Variants in GALNTL6 observed in about 807,000 individuals in gnomAD.
GALNTL6 encodes the protein polypeptide N-acetylgalactosaminyltransferase-like 6.
In GALNTL6, 46 loss-of-function variants were observed where a neutral mutation model predicts 73.7. That is an observed-to-expected ratio of 0.62 (90% confidence interval 0.49 to 0.80). The LOEUF is 0.80. GALNTL6 is among the 30% of genes least tolerant of loss of function. The probability of loss-of-function intolerance (pLI) is 0.00; values close to 1 mark genes in which losing one functional copy is unlikely to be tolerated. For missense variants in GALNTL6, 604 were observed against 755.0 expected (o/e 0.80, Z 2.34); for synonymous variants, 259 against 263.7 (o/e 0.98, Z 0.17).
chr4:171,864,239 T>G (rs2110883850), intron 2 of GALNTL6, among the ~76,000 whole-genome samples: 1 of 152,320 alleles, frequency 6.6e-6, no homozygotes, highest in Non-Finnish European at 1.5e-5. Flanking sequence ...CTTCTATGTT[T>G]ATAACACAGA....
chr4:172,042,786 A>C (rs1001088413), intron 2 of GALNTL6, among the ~76,000 whole-genome samples: 2 of 137,704 alleles, frequency 1.5e-5, no homozygotes, highest in Non-Finnish European at 3.0e-5. Context: ...TGTCACTCAG[A>C]CTTCTGCTCA....
At chr4:172,029,523 G>C (rs1456560786) in intron 2 of GALNTL6, among the ~76,000 whole-genome samples, 1 of 152,006 alleles carries the variant, frequency 6.6e-6, no homozygotes, top group Non-Finnish European at 1.5e-5. Flanking sequence ...AATCACTCCA[G>C]ATAGTGTGTG....
intron 5 of GALNTL6, among the ~76,000 whole-genome samples, chr4:172,726,327 A>C (rs1735803393): frequency 6.6e-6 from 1 of 152,200 alleles, no homozygotes; most frequent in South Asian, 2.1e-4. Context: ...CCGACCCCCG[A>C]GTAGGAGGCA....
Position 172,686,604 on chromosome 4 carries a change from G to GA in GALNTL6, c.554-122752dup, listed in dbSNP as rs1385605003. Among the ~76,000 whole-genome samples, 19 of 152,236 alleles carry GA rather than the reference G, an allele frequency of 1.2e-4. No homozygotes were observed. The East Asian group carries it at 3.5e-3, about 28-fold the overall frequency. On this transcript the variant is annotated intron_variant, in intron 5 of 12. Coordinates refer to ENST00000506823, the MANE Select transcript of GALNTL6 (RefSeq NM_001034845.3). ...GAGAAAACTAGAGGAAAACACTATA[G>GA]AAAAAGAAAGTTTATTTTATTTTTA... is the stretch of plus-strand genomic sequence containing the variant.
intron 5 of GALNTL6, among the ~76,000 whole-genome samples, chr4:172,782,895 G>A (rs575681163): frequency 6.6e-6 from 1 of 152,150 alleles, no homozygotes; most frequent in East Asian, 1.9e-4. Flanking sequence ...ACAGTGATGA[G>A]GCACAGTGAC....
At chr4:172,970,617 C>T (rs917517403) in intron 10 of GALNTL6, among the ~76,000 whole-genome samples, 3 of 152,182 alleles carry the variant, frequency 2.0e-5, no homozygotes, top group African/African-American at 4.8e-5. Context: ...TTCCCTTGTT[C>T]CCTGAAAATT....
rs752897907 is a variant in GALNTL6, at chr4:173,040,064, T to C, written c.1770T>C (p.Thr590=). 60 of 1,613,182 alleles carry C rather than the reference T, an allele frequency of 3.7e-5. 2 individuals are homozygous for C. The South Asian group carries it at 6.2e-4, about 17-fold the overall frequency. ...QQWIFEHINM[T]VLEKFNHHAN... is the part of the protein sequence containing the mutation. Reference sequence around the variant, plus strand: ...GGATTTTTGAACACATTAATATGACTGTTTTAGAAAAATTTAACCACCATG... The same window carrying C: ...GGATTTTTGAACACATTAATATGACCGTTTTAGAAAAATTTAACCACCATG... Residue 590 remains threonine, a synonymous_variant, in exon 13 of 13, where the codon ACT becomes ACC. Transcript: ENST00000506823.
At chr4:172,623,181 C>T (rs577806743) in intron 5 of GALNTL6, among the ~76,000 whole-genome samples, 1 of 152,138 alleles carries the variant, frequency 6.6e-6, no homozygotes, top group East Asian at 1.9e-4. Flanking sequence ...AACTAAGTAA[C>T]AATGCAAGCA....
At chr4:172,898,887 A>G (rs967729635) in intron 8 of GALNTL6, among the ~76,000 whole-genome samples, 1 of 152,174 alleles carries the variant, frequency 6.6e-6, no homozygotes, top group African/African-American at 2.4e-5. Context: ...GTTAAACATC[A>G]ACCCCTGACC....
chr4:172,399,049 ATATG>A (rs1205236883), intron 5 of GALNTL6, among the ~76,000 whole-genome samples: 2 of 152,130 alleles, frequency 1.3e-5, no homozygotes, highest in Non-Finnish European at 2.9e-5. Flanking sequence ...ATATGTTAAA[ATATG>A]TATTTTGTTA....
chr4:172,293,263 C>A (rs958646837), intron 3 of GALNTL6, among the ~76,000 whole-genome samples: 2 of 152,060 alleles, frequency 1.3e-5, no homozygotes, highest in South Asian at 4.1e-4. Flanking sequence ...CATGCCCCCA[C>A]CCTTTTTTTG....
chr4:172,590,979 CT>C, intron 5 of GALNTL6, among the ~76,000 whole-genome samples: 1 of 152,072 alleles, frequency 6.6e-6, no homozygotes. Context: ...TAGCAAAGTA[CT>C]TTGCAAATAG....
Position 172,493,787 on chromosome 4 carries a change from A to G in GALNTL6, c.553+145098A>G, listed in dbSNP as rs569006532. Among the ~76,000 whole-genome samples the G allele has an allele frequency of 4.5e-4, 69 of 152,304 alleles. 1 individual carries two copies. In the South Asian group the frequency reaches 0.014, roughly 31 times the overall value. ...GAAATGCAATTATTTGATTAATGTT[A>G]GAACCTATATTAAGGGCATTAATAG... On this transcript the variant is annotated intron_variant, in intron 5 of 12. Transcript: ENST00000506823.
rs1472094382 is a variant in GALNTL6, at chr4:172,647,736, G to A, written c.554-161625G>A. On this transcript the variant is annotated intron_variant, in intron 5 of 12. Coordinates refer to ENST00000506823, the MANE Select transcript of GALNTL6 (RefSeq NM_001034845.3). ...AAAAAGTTATCCCAAATTGACTGAT[G>A]AAAAATCTTCAATCATTTCTCCCTA... Among the ~76,000 whole-genome samples the A allele has an allele frequency of 4.6e-5, 7 of 152,002 alleles. No homozygotes were observed. In the East Asian group the frequency reaches 1.4e-3, roughly 29 times the overall value.
At chr4:172,714,643 G>T (rs768385728) in intron 5 of GALNTL6, among the ~76,000 whole-genome samples, 13 of 152,084 alleles carry the variant, frequency 8.5e-5, no homozygotes, top group African/African-American at 1.4e-4. Flanking sequence ...GATGCCACTT[G>T]TCTTTTTAGT....
chr4:171,846,338 AAGG>A (rs1735366729), intron 2 of GALNTL6, among the ~76,000 whole-genome samples: 1 of 152,186 alleles, frequency 6.6e-6, no homozygotes, highest in Non-Finnish European at 1.5e-5. Flanking sequence ...TTCCCCATGT[AAGG>A]CAGAACAAGG....
At chr4:173,018,813 C>A (rs574221675) in intron 11 of GALNTL6, among the ~76,000 whole-genome samples, 44 of 152,332 alleles carry the variant, frequency 2.9e-4, no homozygotes, top group African/African-American at 1.0e-3. Context: ...GTGGAAAGAA[C>A]AGCAAAGGCC....
intron 2 of GALNTL6, among the ~76,000 whole-genome samples, chr4:172,164,878 C>T (rs1734575223): frequency 6.6e-6 from 1 of 152,078 alleles, no homozygotes. Flanking sequence ...AGATGAAATA[C>T]ATATGCTCTA....
chr4:171,984,628 A>G (rs1740010559), intron 2 of GALNTL6, among the ~76,000 whole-genome samples: 1 of 152,136 alleles, frequency 6.6e-6, no homozygotes, highest in Admixed American at 6.6e-5. Flanking sequence ...CTTTGTAGGG[A>G]GTGTCTGCTG....
Sources: allele counts gnomAD v4.1 joint callset (sites outside exome capture counted in the v4.1 genomes callset), GRCh38; gene constraint gnomAD v4.1.1; transcripts MANE v1.5; gene names NCBI Gene and HGNC (gene_info 2026-07-23, HGNC 2026-07-21).